The following EPHA6 variants were observed in gnomAD, a reference collection of about 807,000 sequenced individuals.
EPHA6 encodes EPH receptor A6, also known as ephrin type-A receptor 6.
Under a neutral mutation model 112.0 loss-of-function variants are expected in EPHA6, and 50 were observed. The observed-to-expected ratio is 0.45, with a 90% CI of 0.36 to 0.56. EPHA6 has a LOEUF of 0.56. EPHA6 is among the 20% of genes least tolerant of loss of function. The pLI is 0.00. For synonymous variants in EPHA6, 529 were observed against 490.7 expected, an observed-to-expected ratio of 1.08 and a Z score of -1.03; for missense variants, 1,280 against 1,417.4, an observed-to-expected ratio of 0.90 and a Z score of 1.56.
rs549076918 is a variant in EPHA6, at chr3:97,648,622, G to A, written c.2784+10540G>A. 60 of 1,124,600 alleles carry A rather than the reference G, an allele frequency of 5.3e-5. No individual in the cohort carries two copies. In the South Asian group the frequency reaches 7.1e-4, roughly 13 times the overall value. The allele number at this position is 1,124,600 out of a possible 1,614,324, so 69.7% of individuals were successfully genotyped here. On this transcript the variant is annotated intron_variant, in intron 14 of 17. Coordinates refer to ENST00000389672, the MANE Select transcript of EPHA6 (RefSeq NM_001080448.3). ...TCATTAACATGAGTAAATGGGATTC[G>A]TCTGGAGATCATGCTTAACCTTTTA...
intron 5 of EPHA6, among the ~76,000 whole-genome samples, chr3:97,275,589 T>C (rs1405703589): frequency 6.6e-6 from 1 of 152,142 alleles, no homozygotes; most frequent in East Asian, 1.9e-4. Flanking sequence ...TGAACTAACC[T>C]GTAAGGCTTG....
intron 3 of EPHA6, among the ~76,000 whole-genome samples, chr3:97,183,284 T>C (rs2077039772): frequency 6.6e-6 from 1 of 152,014 alleles, no homozygotes; most frequent in South Asian, 2.1e-4. Flanking sequence ...AAAGTAAAAA[T>C]TAAGTACAAT....
chr3:96,975,242 G>A (rs926414317), intron 2 of EPHA6, among the ~76,000 whole-genome samples: 8 of 152,062 alleles, frequency 5.3e-5, no homozygotes, highest in Admixed American at 2.0e-4. Flanking sequence ...AGAGTTTGGG[G>A]CTGTAGACTT....
chr3:96,980,291 C>T (rs1228644597), intron 2 of EPHA6, among the ~76,000 whole-genome samples: 7 of 152,152 alleles, frequency 4.6e-5, no homozygotes, highest in Admixed American at 2.0e-4. Flanking sequence ...TTTCCCAGCA[C>T]CATTTATTAA....
intron 5 of EPHA6, among the ~76,000 whole-genome samples, chr3:97,329,175 C>G (rs931497885): frequency 6.6e-6 from 1 of 152,032 alleles, no homozygotes; most frequent in African/African-American, 2.4e-5. Flanking sequence ...CATAGTATTC[C>G]ATGGTATATA....
chr3:97,508,984 C>CT (rs141763479), intron 10 of EPHA6, among the ~76,000 whole-genome samples: 2 of 22,332 alleles, frequency 9.0e-5, no homozygotes, highest in Non-Finnish European at 1.9e-4. Flanking sequence ...GCATCCCTGG[C>CT]TTTTTTTTTT....
intron 2 of EPHA6, among the ~76,000 whole-genome samples, chr3:96,938,021 T>G (rs951596582): frequency 1.3e-5 from 2 of 152,254 alleles, no homozygotes; most frequent in East Asian, 1.9e-4. Context: ...CCTTGTAGTA[T>G]AGTTTGAAGT....
intron 14 of EPHA6, among the ~76,000 whole-genome samples, chr3:97,719,921 G>A (rs937154017): frequency 1.3e-5 from 2 of 152,158 alleles, no homozygotes; most frequent in East Asian, 1.9e-4. Flanking sequence ...AGTGTTGAAC[G>A]ATATTTAGTT....
chr3:96,905,347 T>C (rs1018331786), intron 2 of EPHA6, among the ~76,000 whole-genome samples: 1 of 152,004 alleles, frequency 6.6e-6, no homozygotes, highest in Non-Finnish European at 1.5e-5. Flanking sequence ...AAATGTTACC[T>C]TTTTCTTTTT....
chr3:97,662,372 G>A (rs1218926388), intron 14 of EPHA6, among the ~76,000 whole-genome samples: 1 of 152,100 alleles, frequency 6.6e-6, no homozygotes, highest in Non-Finnish European at 1.5e-5. Context: ...GATTAAAAAG[G>A]GCTTGGAGGT....
At chr3:97,224,333 A>G (rs2078292322) in intron 3 of EPHA6, among the ~76,000 whole-genome samples, 1 of 152,312 alleles carries the variant, frequency 6.6e-6, no homozygotes, top group Admixed American at 6.5e-5. Context: ...GAACAGTTCG[A>G]ATATCACTAG....
intron 3 of EPHA6, among the ~76,000 whole-genome samples, chr3:97,208,031 C>T (rs1480680263): frequency 1.3e-5 from 2 of 152,116 alleles, no homozygotes; most frequent in Non-Finnish European, 2.9e-5. Context: ...GTAAAACTGA[C>T]ATGCCCTAGT....
At chr3:97,557,813 G>T (rs2093134071) in intron 11 of EPHA6, among the ~76,000 whole-genome samples, 1 of 151,720 alleles carries the variant, frequency 6.6e-6, no homozygotes, top group Non-Finnish European at 1.5e-5. Context: ...GTTTTAAAAT[G>T]AGCATTGAGT....
At chr3:96,927,034 A>G (rs2040073038) in intron 2 of EPHA6, among the ~76,000 whole-genome samples, 1 of 152,240 alleles carries the variant, frequency 6.6e-6, no homozygotes, top group African/African-American at 2.4e-5. Context: ...TATACTGGAC[A>G]TCTGAGCATT....
chr3:96,887,229 G>A (rs2037681220), intron 2 of EPHA6, among the ~76,000 whole-genome samples: 1 of 152,114 alleles, frequency 6.6e-6, no homozygotes, highest in Non-Finnish European at 1.5e-5. Flanking sequence ...TCTGTCAGAG[G>A]GAGGTTCTAA....
At chr3:97,287,529 A>G (rs1413479711) in intron 5 of EPHA6, among the ~76,000 whole-genome samples, 1 of 152,078 alleles carries the variant, frequency 6.6e-6, no homozygotes, top group Non-Finnish European at 1.5e-5. Context: ...ACGTTAACAT[A>G]ATAATGGCCT....
chr3:97,293,813 A>G (rs2080781259), intron 5 of EPHA6, among the ~76,000 whole-genome samples: 1 of 152,142 alleles, frequency 6.6e-6, no homozygotes, highest in South Asian at 2.1e-4. Context: ...GCTGTCATCA[A>G]CATGTCCATG....
chr3:97,008,546 G>T (rs1030052832), intron 3 of EPHA6, among the ~76,000 whole-genome samples: 1 of 152,072 alleles, frequency 6.6e-6, no homozygotes, highest in Non-Finnish European at 1.5e-5. Flanking sequence ...TTTGAGTTGG[G>T]TTAGAACATG....
chr3:97,634,746 G>A (rs896671033), intron 13 of EPHA6, among the ~76,000 whole-genome samples: 4 of 152,076 alleles, frequency 2.6e-5, no homozygotes, highest in African/African-American at 2.4e-5. Context: ...ACTCTGAGGA[G>A]TTATCCAGAA....
Sources: gnomAD v4.1 joint callset for allele counts (sites outside exome capture counted in the v4.1 genomes callset) on GRCh38, gnomAD v4.1.1 for gene constraint, MANE v1.5 for transcripts, NCBI Gene and HGNC (gene_info 2026-07-23, HGNC 2026-07-21) for gene names.